The following CCDC148 variants were observed in gnomAD, a reference collection of about 807,000 sequenced individuals.
CCDC148 encodes coiled-coil domain containing 148, also known as coiled-coil domain-containing protein 148.
CCDC148 carries 89 observed loss-of-function variants against 85.7 expected under a neutral mutation model. The observed-to-expected ratio is 1.04, with a 90% CI of 0.87 to 1.24. The LOEUF (loss-of-function observed/expected upper bound fraction) is 1.24, where lower values mean the gene tolerates loss of function less well. CCDC148 is among the 50% of genes most tolerant of loss of function. CCDC148 has a pLI of 0.00. For missense variants in CCDC148, 692 were observed against 671.7 expected, an observed-to-expected ratio of 1.03 and a Z score of -0.33; for synonymous variants, 230 against 213.9, an observed-to-expected ratio of 1.08 and a Z score of -0.66.
At chr2:158,289,053 A>C (rs998261109) in intron 9 of CCDC148, among the ~76,000 whole-genome samples, 1 of 152,178 alleles carries the variant, frequency 6.6e-6, no homozygotes, top group Non-Finnish European at 1.5e-5. Flanking sequence ...CCATGATTCA[A>C]TTACCTCCCA....
intron 1 of CCDC148, among the ~76,000 whole-genome samples, chr2:158,421,778 C>CA (rs1344764826): frequency 6.6e-6 from 1 of 151,930 alleles, no homozygotes; most frequent in Admixed American, 6.6e-5. Flanking sequence ...AAAAACCCTT[C>CA]AAAAAATCAA....
At chr2:158,365,161 T>C (rs1191570642) in intron 1 of CCDC148, among the ~76,000 whole-genome samples, 2 of 152,124 alleles carry the variant, frequency 1.3e-5, no homozygotes, top group Non-Finnish European at 2.9e-5. Flanking sequence ...AAACAACAGA[T>C]ACTGGAGAAG....
At chr2:158,355,008 G>T (rs1574679674) in intron 2 of CCDC148, among the ~76,000 whole-genome samples, 1 of 152,122 alleles carries the variant, frequency 6.6e-6, no homozygotes, top group Admixed American at 6.6e-5. Flanking sequence ...TGCAGAAAAA[G>T]CCTGTGACAA....
At chr2:158,407,044 T>C (rs113526654) in intron 1 of CCDC148, among the ~76,000 whole-genome samples, 5 of 152,238 alleles carry the variant, frequency 3.3e-5, no homozygotes, top group African/African-American at 1.2e-4. Flanking sequence ...TCTACTCGCA[T>C]TTCTTCCCCA....
intron 7 of CCDC148, among the ~76,000 whole-genome samples, chr2:158,328,503 A>G (rs1692912211): frequency 6.6e-6 from 1 of 152,118 alleles, no homozygotes; most frequent in Admixed American, 6.6e-5. Flanking sequence ...TAGCAGCATG[A>G]TTTATAATCC....
intron 2 of CCDC148, among the ~76,000 whole-genome samples, chr2:158,353,670 A>T (rs1683454143): frequency 6.6e-6 from 1 of 152,200 alleles, no homozygotes; most frequent in East Asian, 1.9e-4. Flanking sequence ...CAGATCAAGG[A>T]GACAGAAAGT....
intron 10 of CCDC148, among the ~76,000 whole-genome samples, chr2:158,227,488 C>T (rs1006621016): frequency 7.2e-5 from 11 of 152,042 alleles, no homozygotes; most frequent in African/African-American, 1.2e-4. Context: ...AAAAAGAGCC[C>T]GCATTGCCAA....
At chr2:158,244,093 T>C (rs1471551114) in intron 10 of CCDC148, among the ~76,000 whole-genome samples, 2 of 152,148 alleles carry the variant, frequency 1.3e-5, no homozygotes, top group South Asian at 2.1e-4. Context: ...CATCCATATT[T>C]CTACTAACAG....
At chr2:158,315,470 T>C (rs1692233245) in intron 7 of CCDC148, among the ~76,000 whole-genome samples, 1 of 151,072 alleles carries the variant, frequency 6.6e-6, no homozygotes, top group Admixed American at 6.6e-5. Flanking sequence ...TAAAATGTTT[T>C]TTTAATCAAA....
chr2:158,416,412 G>A (rs1464303735), intron 1 of CCDC148, among the ~76,000 whole-genome samples: 1 of 152,154 alleles, frequency 6.6e-6, no homozygotes, highest in African/African-American at 2.4e-5. Context: ...ACACATATGA[G>A]CATATCCTGT....
At chr2:158,300,450 T>C (rs1043234671) in intron 9 of CCDC148, among the ~76,000 whole-genome samples, 1 of 152,194 alleles carries the variant, frequency 6.6e-6, no homozygotes, top group Non-Finnish European at 1.5e-5. Flanking sequence ...GCCAGAGTTA[T>C]GTACCAGGAG....
Position 158,436,042 on chromosome 2 carries a change from C to T in CCDC148, c.25+20373G>A, listed in dbSNP as rs1687635484. Among the ~76,000 whole-genome samples, 3 of 152,154 alleles carry T rather than the reference C, an allele frequency of 2.0e-5. No individual in the cohort carries two copies. In the South Asian group the frequency reaches 6.2e-4, roughly 32 times the overall value. On this transcript the variant is annotated intron_variant, in intron 1 of 13. Coordinates refer to ENST00000283233, the MANE Select transcript of CCDC148 (RefSeq NM_138803.4). ...CAATAATAATGGGAGACTTTAACAC[C>T]CCACTGTCAACATCAGACAGATCAA...
intron 13 of CCDC148, among the ~76,000 whole-genome samples, chr2:158,175,723 C>A (rs541755419): frequency 6.6e-6 from 1 of 152,012 alleles, no homozygotes; most frequent in African/African-American, 2.4e-5. Flanking sequence ...GCAAAGTATG[C>A]CGCACAAAGT....
intron 2 of CCDC148, among the ~76,000 whole-genome samples, chr2:158,348,036 G>GGGA (rs1259013486): frequency 1.2e-4 from 19 of 152,062 alleles, no homozygotes; most frequent in Non-Finnish European, 1.8e-4. Flanking sequence ...AATACAAAGT[G>GGGA]ATACAACCCC....
Position 158,238,178 on chromosome 2 carries a change from A to G in CCDC148, c.1251+12594T>C, listed in dbSNP as rs555264472. On this transcript the variant is annotated intron_variant, in intron 10 of 13. Transcript: ENST00000283233. ...GGAGGGTAGTTTATAGATGAAGGTC[A>G]TAATGGTGTATTTTTAGGGTACCTG... Among the ~76,000 whole-genome samples the G allele has an allele frequency of 2.0e-5, 3 of 152,220 alleles. No individual in the cohort carries two copies. In the South Asian group the frequency reaches 6.2e-4, roughly 32 times the overall value.
chr2:158,248,740 T>A (rs35650922), intron 10 of CCDC148, among the ~76,000 whole-genome samples: 5 of 152,258 alleles, frequency 3.3e-5, no homozygotes, highest in African/African-American at 9.6e-5. Context: ...AGATCACATC[T>A]TGCATTCTAA....
intron 1 of CCDC148, among the ~76,000 whole-genome samples, chr2:158,417,093 G>A (rs1311687917): frequency 6.6e-6 from 1 of 152,048 alleles, no homozygotes; most frequent in Non-Finnish European, 1.5e-5. Context: ...AACAGCAAGG[G>A]GGAATTCCAC....
intron 10 of CCDC148, among the ~76,000 whole-genome samples, chr2:158,249,946 T>G (rs1229883506): frequency 6.6e-6 from 1 of 152,110 alleles, no homozygotes; most frequent in Non-Finnish European, 1.5e-5. Context: ...AAAACAGGTG[T>G]ATAGGTTAAA....
At chr2:158,359,439 G>A (rs113658628) in intron 1 of CCDC148, among the ~76,000 whole-genome samples, 26,938 of 152,122 alleles carry the variant, frequency 0.18, 3,109 homozygotes, top group Middle Eastern at 0.26. Context: ...CAGCTAGATC[G>A]ATGCAGAAGG....
Sources: allele counts gnomAD v4.1 joint callset (sites outside exome capture counted in the v4.1 genomes callset), GRCh38; gene constraint gnomAD v4.1.1; transcripts MANE v1.5; gene names NCBI Gene and HGNC (gene_info 2026-07-23, HGNC 2026-07-21).